Variants in INPP5F observed in about 807,000 individuals in gnomAD.
INPP5F encodes the protein phosphatidylinositide 4-phosphatase SAC2.
Under a neutral mutation model 137.2 loss-of-function variants are expected in INPP5F, and 97 were observed. The observed-to-expected ratio is 0.71, with a 90% confidence interval of 0.60 to 0.84. The LOEUF (loss-of-function observed/expected upper bound fraction) is 0.84, where lower values mean the gene tolerates loss of function less well. Among genes scored for constraint, INPP5F ranks in the 40% least tolerant of loss-of-function variants. The pLI is 0.00. For synonymous variants in INPP5F, 504 were observed against 476.9 expected, an observed-to-expected ratio of 1.06 and a Z score of -0.74; for missense variants, 1,271 against 1,371.9, an observed-to-expected ratio of 0.93 and a Z score of 1.16.
At chr10:119,822,212 A>T (rs1218258178) in intron 16 of INPP5F, among the ~76,000 whole-genome samples, 1 of 151,852 alleles carries the variant, frequency 6.6e-6, no homozygotes, top group Non-Finnish European at 1.5e-5. Context: ...TAACTGTTAG[A>T]TGTGTAAACT....
intron 1 of INPP5F, among the ~76,000 whole-genome samples, chr10:119,731,673 T>C (rs1244993398): frequency 6.6e-6 from 1 of 152,050 alleles, no homozygotes; most frequent in Admixed American, 6.6e-5. Flanking sequence ...GAAAAAAATA[T>C]TGTGTTTACT....
chr10:119,757,166 CT>C (rs1281932607), intron 2 of INPP5F, among the ~76,000 whole-genome samples: 1 of 152,062 alleles, frequency 6.6e-6, no homozygotes, highest in Non-Finnish European at 1.5e-5. Flanking sequence ...CCTCAGCCTC[CT>C]GGGTTCAAGC....
At chr10:119,753,545 G>A (rs1264482471) in intron 2 of INPP5F, among the ~76,000 whole-genome samples, 2 of 152,074 alleles carry the variant, frequency 1.3e-5, no homozygotes, top group Non-Finnish European at 2.9e-5. Context: ...TCCTTCACCT[G>A]GCCCCTCTCT....
chr10:119,748,459 A>G lies in INPP5F; in HGVS notation c.98-2617A>G, dbSNP rs559045649. The stretch of plus-strand genomic sequence containing the variant: ...TTTGTGTTACAGCTTTTTCAGTCCC[A>G]CCATTCAGGGGTCCCGTGTCCAGGA... On this transcript the variant is annotated intron_variant, in intron 1 of 19. Coordinates refer to ENST00000650623, the MANE Select transcript of INPP5F (RefSeq NM_014937.4). The surrounding 1 kb of genome is among the most constrained non-coding windows in gnomAD (Gnocchi z 4.7). 9.2e-5 allele frequency among the ~76,000 whole-genome samples: 14 copies of G among 152,188 alleles called. No individual in the cohort carries two copies. In the East Asian group the frequency reaches 2.3e-3, roughly 25 times the overall value.
Position 119,829,126 on chromosome 10 carries a change from G to C in INPP5F, c.*1346G>C, listed in dbSNP as rs1401624535. 1 of 152,336 alleles carries C rather than the reference G, an allele frequency of 6.6e-6. No individual in the cohort carries two copies. Among genetic ancestry groups the C allele is most frequent in the East Asian group, 1.9e-4 (1 of 5,182 alleles). 9.4% of individuals were successfully genotyped at this position (152,336 alleles called of 1,614,324 possible). On this transcript the variant is annotated 3_prime_UTR_variant, in exon 20 of 20. Coordinates refer to ENST00000650623, the MANE Select transcript of INPP5F (RefSeq NM_014937.4). ...TAAATCTTGTGATTATTAAAATAAAGTACCATTGTAATTTAAAGTGACAAA... is the reference window on the plus strand; with the variant it reads ...TAAATCTTGTGATTATTAAAATAAACTACCATTGTAATTTAAAGTGACAAA...
At chr10:119,759,958 G>C (rs1178181533) in intron 2 of INPP5F, among the ~76,000 whole-genome samples, 1 of 152,008 alleles carries the variant, frequency 6.6e-6, no homozygotes, top group African/African-American at 2.4e-5. Context: ...TCCTAGTCTT[G>C]AGCCCGTCTC....
chr10:119,825,205 A>G (rs564989873), intron 19 of INPP5F, among the ~76,000 whole-genome samples: 4 of 152,292 alleles, frequency 2.6e-5, no homozygotes, highest in African/African-American at 9.6e-5. Context: ...CATGACAGAT[A>G]CCTTTGTCAT....
chr10:119,790,730 T>A (rs910977498), intron 3 of INPP5F, among the ~76,000 whole-genome samples: 1 of 152,240 alleles, frequency 6.6e-6, no homozygotes, highest in African/African-American at 2.4e-5. Flanking sequence ...CTGCATATTG[T>A]TAACAGAATT....
At chr10:119,751,820 G>A (rs1056764865) in intron 2 of INPP5F, among the ~76,000 whole-genome samples, 2 of 152,162 alleles carry the variant, frequency 1.3e-5, no homozygotes, top group African/African-American at 4.8e-5. Context: ...AATTAGAGAT[G>A]GGTTCTTGCT....
At chr10:119,809,226 C>CAAAAA (rs71019722) in intron 13 of INPP5F, among the ~76,000 whole-genome samples, 117 of 58,840 alleles carry the variant, frequency 2.0e-3, no homozygotes, top group African/African-American at 7.4e-3. Flanking sequence ...GACTCTGTCT[C>CAAAAA]AAAAAAAAAA....
intron 2 of INPP5F, among the ~76,000 whole-genome samples, chr10:119,759,898 C>G (rs1419067688): frequency 6.6e-6 from 1 of 152,084 alleles, no homozygotes; most frequent in Non-Finnish European, 1.5e-5. Context: ...TCTTTGCTCC[C>G]CTCAGCTTGT....
rs1329066110 is a variant in INPP5F, at chr10:119,818,582, C to T, written c.1887-2264C>T. ...CTCCCCCGCCGGGCCGGGGTCTGTG[C>T]CCTCGTTGGTAGGCGTAGGATGCGC... On this transcript the variant is annotated intron_variant, in intron 15 of 19. Coordinates refer to ENST00000650623, the MANE Select transcript of INPP5F (RefSeq NM_014937.4). 2.6e-5 allele frequency: 4 copies of T among 152,460 alleles called. No individual in the cohort carries two copies. The South Asian group carries it at 6.2e-4, about 24-fold the overall frequency. The allele number at this position is 152,460 out of a possible 1,614,324, so 9.4% of individuals were successfully genotyped here.
In INPP5F at chr10:119,827,081, AT is replaced by A; in HGVS notation, c.2702del (p.Leu901TrpfsTer37). The A allele has an allele frequency of 6.2e-7, 1 of 1,614,168 alleles. No homozygotes were observed. On this transcript the variant is annotated frameshift_variant, in exon 20 of 20. Coordinates refer to ENST00000650623, the MANE Select transcript of INPP5F (RefSeq NM_014937.4). LOFTEE classifies it high-confidence loss of function. ...GTGGTATTATTGCCTCAGCGCCTCG[AT>A]TGGGCAGTCGGTCCCAGTCTCTTAG... ...SCGIIASAPR[L>X]GSRSQSLSST...
At chr10:119,812,092 T>G (rs1851060819) in intron 15 of INPP5F, 137 bp downstream of exon 15, 1 of 654,380 alleles carries the variant, frequency 1.5e-6, no homozygotes, top group South Asian at 2.1e-5. Context: ...GAGCTGGTAG[T>G]GAGGCAAGCT....
At chr10:119,734,967 A>C (rs1848180309) in intron 1 of INPP5F, among the ~76,000 whole-genome samples, 1 of 152,256 alleles carries the variant, frequency 6.6e-6, no homozygotes, top group Admixed American at 6.5e-5. Flanking sequence ...TATGTTTAAC[A>C]ACATAGGGAA....
chr10:119,747,929 A>G (rs560058370), intron 1 of INPP5F, among the ~76,000 whole-genome samples: 6 of 152,346 alleles, frequency 3.9e-5, no homozygotes, highest in African/African-American at 1.4e-4. Flanking sequence ...CTATAATGTC[A>G]TGGGATCCTT....
chr10:119,781,154 A>G (rs2134178144), intron 2 of INPP5F, among the ~76,000 whole-genome samples: 1 of 152,370 alleles, frequency 6.6e-6, no homozygotes, highest in Non-Finnish European at 1.5e-5. Context: ...TATTGTAATT[A>G]TAAAATAGGC....
At chr10:119,764,893 A>T (rs981023328) in intron 2 of INPP5F, among the ~76,000 whole-genome samples, 1 of 147,958 alleles carries the variant, frequency 6.8e-6, no homozygotes, top group African/African-American at 2.5e-5. Flanking sequence ...TGGTTTTCTT[A>T]ATAACATTTT....
intron 2 of INPP5F, among the ~76,000 whole-genome samples, chr10:119,762,993 A>C (rs1055082920): frequency 8.5e-5 from 13 of 152,232 alleles, no homozygotes; most frequent in Admixed American, 8.5e-4. Context: ...GACTCAAGAT[A>C]TGATTCATCC....
Sources: gnomAD v4.1 joint callset for allele counts (sites outside exome capture counted in the v4.1 genomes callset) on GRCh38, gnomAD v4.1.1 for gene constraint, Gnocchi (gnomAD v3.1) non-coding constraint, MANE v1.5 for transcripts, NCBI Gene and HGNC (gene_info 2026-07-23, HGNC 2026-07-21) for gene names.